The following NELL1 variants were observed in gnomAD, a reference collection of about 807,000 sequenced individuals.
NELL1 encodes the protein protein kinase C-binding protein NELL1.
NELL1 carries 76 observed loss-of-function variants against 107.4 expected under a neutral mutation model. That is an observed-to-expected ratio of 0.71 (90% CI 0.59 to 0.86). The LOEUF (loss-of-function observed/expected upper bound fraction) is 0.86, where lower values mean the gene tolerates loss of function less well. Ranked by LOEUF, NELL1 falls within the 40% of genes least tolerant of loss-of-function variation. The pLI, the probability that NELL1 is intolerant of heterozygous loss-of-function variation, is 0.00. For synonymous variants in NELL1, 353 were observed against 341.2 expected (o/e 1.03, Z -0.38); for missense variants, 1,024 against 1,005.5 (o/e 1.02, Z -0.25).
intron 15 of NELL1, among the ~76,000 whole-genome samples, chr11:21,485,201 G>A (rs1854594149): frequency 6.6e-6 from 1 of 152,080 alleles, no homozygotes; most frequent in Non-Finnish European, 1.5e-5. Context: ...TCCAAACCCT[G>A]AGCAGCTGCA....
intron 15 of NELL1, among the ~76,000 whole-genome samples, chr11:21,526,111 C>G (rs988048079): frequency 7.2e-5 from 11 of 152,174 alleles, no homozygotes; most frequent in Non-Finnish European, 1.5e-4. Flanking sequence ...TTACTTACCT[C>G]CTAGATACAG....
At chr11:21,069,852 T>A (rs1853968018) in intron 12 of NELL1, among the ~76,000 whole-genome samples, 2 of 152,172 alleles carry the variant, frequency 1.3e-5, no homozygotes, top group African/African-American at 4.8e-5. Flanking sequence ...TGTGTGATCC[T>A]GTTTGGGAAA....
intron 9 of NELL1, among the ~76,000 whole-genome samples, chr11:20,929,311 G>T (rs1461123333): frequency 6.6e-6 from 1 of 152,180 alleles, no homozygotes; most frequent in Non-Finnish European, 1.5e-5. Flanking sequence ...AAGCACAGTG[G>T]TCTATCATTC....
intron 14 of NELL1, among the ~76,000 whole-genome samples, chr11:21,230,033 TG>T (rs1487907200): frequency 6.6e-6 from 1 of 152,208 alleles, no homozygotes; most frequent in Non-Finnish European, 1.5e-5. Context: ...CTCAGCCTAC[TG>T]GGTCCCTGTT....
chr11:21,558,010 T>C (rs1053350101), intron 16 of NELL1, among the ~76,000 whole-genome samples: 1 of 152,010 alleles, frequency 6.6e-6, no homozygotes, highest in African/African-American at 2.4e-5. Context: ...CAGGATAGAA[T>C]TGTGTATAAG....
At chr11:21,142,607 G>C (rs914961290) in intron 13 of NELL1, among the ~76,000 whole-genome samples, 1 of 152,208 alleles carries the variant, frequency 6.6e-6, no homozygotes, top group Non-Finnish European at 1.5e-5. Context: ...TCATGGCCGA[G>C]GTAGTGTGGT....
chr11:21,564,606 G>A (rs1160598146), intron 17 of NELL1, among the ~76,000 whole-genome samples: 1 of 151,882 alleles, frequency 6.6e-6, no homozygotes, highest in African/African-American at 2.4e-5. Context: ...GTGTTTCTAT[G>A]ATTTCTTGCA....
chr11:21,266,497 C>T (rs1286256674), intron 14 of NELL1, among the ~76,000 whole-genome samples: 1 of 152,070 alleles, frequency 6.6e-6, no homozygotes, highest in African/African-American at 2.4e-5. Flanking sequence ...TCCATCATTG[C>T]CATTTCTAAC....
At chr11:21,192,040 T>C (rs1857060990) in intron 13 of NELL1, among the ~76,000 whole-genome samples, 1 of 151,880 alleles carries the variant, frequency 6.6e-6, no homozygotes. Context: ...CAATGACTGG[T>C]ACTGAGTAGT....
rs780460432 is a variant in NELL1, at chr11:20,847,738, A to G, written c.491A>G (p.His164Arg). The stretch of plus-strand genomic sequence containing the variant: ...GTTAGCGCCTCTCATCTCCTGCTCC[A>G]TGTCGACTGTAACAGGTATTTCTTT... Reference protein sequence around the residue: ...LSVSASHLLLHVDCNRIYERV... With the variant: ...LSVSASHLLLRVDCNRIYERV... Residue 164 changes from histidine (H) to arginine (R), a missense_variant, in exon 4 of 20, where the codon CAT (histidine) becomes CGT (arginine). Physicochemically the swap from His to Arg is conservative, Grantham distance 29. Coordinates refer to ENST00000357134, the MANE Select transcript of NELL1 (RefSeq NM_006157.5). 6.2e-7 allele frequency: 1 copy of G among 1,611,918 alleles called. No individual in the cohort carries two copies. The highest frequency in any genetic ancestry group is 1.7e-5 in the Admixed American group (1 of 59,676).
chr11:21,226,599 A>G (rs1242418462), intron 13 of NELL1, among the ~76,000 whole-genome samples: 1 of 152,198 alleles, frequency 6.6e-6, no homozygotes, highest in East Asian at 1.9e-4. Context: ...TCTAGGTTCA[A>G]TAACATTATG....
intron 2 of NELL1, among the ~76,000 whole-genome samples, chr11:20,759,235 TG>T (rs1856364671): frequency 6.6e-6 from 1 of 152,224 alleles, no homozygotes; most frequent in East Asian, 1.9e-4. Flanking sequence ...ATTTAAAATT[TG>T]GGAGTATTTT....
intron 5 of NELL1, among the ~76,000 whole-genome samples, chr11:20,905,840 G>A (rs545212114): frequency 2.0e-5 from 3 of 152,212 alleles, no homozygotes; most frequent in South Asian, 4.1e-4. Context: ...TGTCTCAGAT[G>A]GAGAAGATAG....
intron 17 of NELL1, among the ~76,000 whole-genome samples, chr11:21,562,029 T>G (rs1856861603): frequency 6.6e-6 from 1 of 151,996 alleles, no homozygotes; most frequent in African/African-American, 2.4e-5. Context: ...TTGAGGATGA[T>G]CATTACATAT....
chr11:20,884,173 A>G (rs909298223), intron 4 of NELL1, among the ~76,000 whole-genome samples: 20 of 152,220 alleles, frequency 1.3e-4, no homozygotes, highest in Admixed American at 2.6e-4. Context: ...CTGTGCAGCT[A>G]AGATATAAGA....
intron 14 of NELL1, among the ~76,000 whole-genome samples, chr11:21,302,215 G>A (rs955191817): frequency 6.6e-6 from 1 of 152,032 alleles, no homozygotes; most frequent in African/African-American, 2.4e-5. Context: ...TTATATGTGA[G>A]GTTGCAGTCA....
intron 15 of NELL1, among the ~76,000 whole-genome samples, chr11:21,488,441 T>C (rs1854702237): frequency 6.6e-6 from 1 of 152,152 alleles, no homozygotes; most frequent in Admixed American, 6.6e-5. Context: ...AGTCTTTGTA[T>C]GATTTCCTGG....
At position 21,473,182 on chromosome 11, in the gene NELL1, T is replaced by C. The variant is rs536059365; in HGVS notation, c.1646-61192T>C. On this transcript the variant is annotated intron_variant, in intron 15 of 19. Coordinates refer to ENST00000357134, the MANE Select transcript of NELL1 (RefSeq NM_006157.5). ...CATTTGTACTCCACCTTTAAAAAGATAGGAGTGTTGGAGGGGTGAGGGCAA... is the reference window on the plus strand; with the variant it reads ...CATTTGTACTCCACCTTTAAAAAGACAGGAGTGTTGGAGGGGTGAGGGCAA... Among the ~76,000 whole-genome samples the C allele has an allele frequency of 3.9e-5, 6 of 152,138 alleles. No individual in the cohort carries two copies. In the East Asian group the frequency reaches 1.2e-3, roughly 29 times the overall value.
At position 21,547,623 on chromosome 11, in the gene NELL1, CTATCA is replaced by C. The variant is rs1306246331; in HGVS notation, c.1787-12563_1787-12559del. ...TACTTCCCATAAAATTTCAGATACTCTATCATAAGTCTATCAATGTGATTTTCTGC... is the reference window on the plus strand; with the variant it reads ...TACTTCCCATAAAATTTCAGATACTCTAAGTCTATCAATGTGATTTTCTGC... On this transcript the variant is annotated intron_variant, in intron 16 of 19. Coordinates refer to ENST00000357134, the MANE Select transcript of NELL1 (RefSeq NM_006157.5). Among the ~76,000 whole-genome samples, 5 of 151,980 alleles carry C rather than the reference CTATCA, an allele frequency of 3.3e-5. No individual in the cohort carries two copies. The East Asian group carries it at 9.7e-4, about 30-fold the overall frequency.
Sources: allele counts gnomAD v4.1 joint callset (sites outside exome capture counted in the v4.1 genomes callset), GRCh38; gene constraint gnomAD v4.1.1; transcripts MANE v1.5; gene names NCBI Gene and HGNC (gene_info 2026-07-23, HGNC 2026-07-21).